Variants in PCDHGA4 observed in about 807,000 individuals in gnomAD.
The protein encoded by PCDHGA4 is protocadherin gamma subfamily A, 4.
In PCDHGA4, 38 loss-of-function variants were observed where a neutral mutation model predicts 54.6. The ratio of observed to expected loss-of-function variants is 0.70; its 90% CI spans 0.54 to 0.91. The LOEUF (loss-of-function observed/expected upper bound fraction) is 0.91, where lower values mean the gene tolerates loss of function less well. Among genes scored for constraint, PCDHGA4 ranks in the 40% least tolerant of loss-of-function variants. PCDHGA4 has a pLI of 0.00. For missense variants in PCDHGA4, 1,298 were observed against 1,220.9 expected, an observed-to-expected ratio of 1.06 and a Z score of -0.94; for synonymous variants, 511 against 512.9, an observed-to-expected ratio of 1.00 and a Z score of 0.05.
At chr5:141,357,941 A>C (rs558616787) in intron 1 of PCDHGA4, among the ~76,000 whole-genome samples, 1 of 152,214 alleles carries the variant, frequency 6.6e-6, no homozygotes, top group East Asian at 1.9e-4. Flanking sequence ...TGTAATCCTA[A>C]CACTTTGGGA....
At chr5:141,376,187 T>C in intron 1 of PCDHGA4, 3 of 1,614,148 alleles carry the variant, frequency 1.9e-6, no homozygotes, top group Non-Finnish European at 2.5e-6. Flanking sequence ...CGCGGTCTCC[T>C]GCGTCTTCCT....
Position 141,489,712 on chromosome 5 carries a change from C to T in PCDHGA4, c.2515-5095C>T. On this transcript the variant is annotated intron_variant, in intron 1 of 3. Coordinates refer to ENST00000571252, the MANE Select transcript of PCDHGA4 (RefSeq NM_018917.4). The surrounding 1 kb of genome is among the most constrained non-coding windows in gnomAD (Gnocchi z 4.5). The stretch of plus-strand genomic sequence containing the variant: ...GGCACGATTCCCACTGGACAGTGCC[C>T]AGGATCCGGATGTGGGCACCAATAC... The T allele has an allele frequency of 6.2e-7, 1 of 1,614,162 alleles. No individual in the cohort carries two copies. The highest frequency in any genetic ancestry group is 1.1e-5 in the South Asian group (1 of 91,078).
At chr5:141,422,762 C>T in intron 1 of PCDHGA4, 1 of 1,613,392 alleles carries the variant, frequency 6.2e-7, no homozygotes. Flanking sequence ...AACTCCAACA[C>T]TGGTGTTCTC....
chr5:141,495,000 G>A lies in PCDHGA4; in HGVS notation c.2573+135G>A, dbSNP rs191756104. ...AGTTTGAGATCCCAGGGAGGTCTTG[G>A]TGTGCGGGGGGCTGGCACACAGACC... On this transcript the variant is annotated intron_variant, in intron 2 of 3. Transcript: ENST00000571252. 1.3e-4 allele frequency: 202 copies of A among 1,531,656 alleles called. 2 individuals carry two copies. The African/African-American group carries it at 2.4e-3, about 19-fold the overall frequency. The allele number at this position is 1,531,656 out of a possible 1,614,324, so 94.9% of individuals were successfully genotyped here. A position where few individuals can be genotyped will look rare whatever the true frequency, so the allele number is the denominator to read the frequency against.
chr5:141,415,654 A>ATTGGT, intron 1 of PCDHGA4: 1 of 1,573,242 alleles, frequency 6.4e-7, no homozygotes, highest in Non-Finnish European at 8.6e-7. Flanking sequence ...AAAAAAAAAG[A>ATTGGT]TTGGTTTTTA....
chr5:141,457,441 G>A (rs941085406), intron 1 of PCDHGA4, among the ~76,000 whole-genome samples: 1 of 152,134 alleles, frequency 6.6e-6, no homozygotes, highest in African/African-American at 2.4e-5. Flanking sequence ...CCAAGCTGCA[G>A]AAGATCACCA....
intron 1 of PCDHGA4, among the ~76,000 whole-genome samples, chr5:141,437,614 A>G (rs113599071): frequency 3.1e-4 from 47 of 152,242 alleles, no homozygotes; most frequent in Non-Finnish European, 5.1e-4. Flanking sequence ...AATCTGCTTT[A>G]TCCCCATATA....
chr5:141,374,955 T>C (rs1213878932), intron 1 of PCDHGA4: 2 of 1,613,888 alleles, frequency 1.2e-6, no homozygotes. Flanking sequence ...ATCTCACAAA[T>C]TTTCTGTTTG....
intron 1 of PCDHGA4, chr5:141,389,992 T>A: frequency 6.2e-7 from 1 of 1,614,010 alleles, no homozygotes. Context: ...CTCTTCCTCG[T>A]GGCCATGATT....
chr5:141,501,182 C>A (rs531641143), intron 2 of PCDHGA4, among the ~76,000 whole-genome samples: 1 of 152,126 alleles, frequency 6.6e-6, no homozygotes, highest in Non-Finnish European at 1.5e-5. Context: ...TACATTTTAA[C>A]ACAATTAAAT....
intron 1 of PCDHGA4, chr5:141,385,213 C>T (rs1481010729): frequency 1.7e-5 from 28 of 1,614,108 alleles, no homozygotes; most frequent in Non-Finnish European, 2.2e-5. Flanking sequence ...GATCTTCCCC[C>T]AGCCCAACTA....
chr5:141,501,390 T>TCAC (rs1033806087), intron 2 of PCDHGA4, among the ~76,000 whole-genome samples: 4 of 151,794 alleles, frequency 2.6e-5, no homozygotes, highest in African/African-American at 9.7e-5. Flanking sequence ...CTAGGTCCTG[T>TCAC]CACAGGCCAC....
intron 1 of PCDHGA4, chr5:141,372,011 G>C (rs759270061): frequency 6.2e-7 from 1 of 1,613,176 alleles, no homozygotes; most frequent in Non-Finnish European, 8.5e-7. Context: ...ACCAGGGCTC[G>C]CCTACGCTCA....
At position 141,444,152 on chromosome 5, in the gene PCDHGA4, A is replaced by ATT. The variant is rs747671382; in HGVS notation, c.2515-50620_2515-50619dup. ...GATATGTGTCACTTGTGTGTACTGG[A>ATT]TTTTTTTTTTTTTTTTTTTTTTTTT... On this transcript the variant is annotated intron_variant, in intron 1 of 3. Coordinates refer to ENST00000571252, the MANE Select transcript of PCDHGA4 (RefSeq NM_018917.4). Among the ~76,000 whole-genome samples, 286 of 33,894 alleles carry ATT rather than the reference A, an allele frequency of 8.4e-3. 107 individuals carry two copies. The highest frequency in any genetic ancestry group is 0.011 in the African/African-American group (76 of 7,180). The allele number at this position is 33,894 out of a possible 152,430, so 22.2% of individuals were successfully genotyped here. A position where few individuals can be genotyped will look rare whatever the true frequency, so the allele number is the denominator to read the frequency against.
At chr5:141,369,703 A>G (rs757750981) in intron 1 of PCDHGA4, among the ~76,000 whole-genome samples, 12 of 152,254 alleles carry the variant, frequency 7.9e-5, no homozygotes, top group Admixed American at 1.3e-4. Flanking sequence ...AAAAGCTATG[A>G]CATTATAACT....
chr5:141,381,971 A>C (rs1777809819), intron 1 of PCDHGA4, among the ~76,000 whole-genome samples: 1 of 150,888 alleles, frequency 6.6e-6, no homozygotes, highest in African/African-American at 2.4e-5. Flanking sequence ...CTGGGATTAC[A>C]GGCGCGCGCC....
At chr5:141,459,427 G>A (rs1489214494) in intron 1 of PCDHGA4, among the ~76,000 whole-genome samples, 2 of 152,228 alleles carry the variant, frequency 1.3e-5, no homozygotes, top group Non-Finnish European at 2.9e-5. Flanking sequence ...ATATCACAAT[G>A]TGTTCATTCA....
intron 1 of PCDHGA4, among the ~76,000 whole-genome samples, chr5:141,484,740 G>GA (rs1047805396): frequency 2.0e-5 from 3 of 150,646 alleles, no homozygotes; most frequent in Admixed American, 1.3e-4. Context: ...GGTGTGTTAG[G>GA]AAAAAAAATG....
rs754728562 is a variant in PCDHGA4, at chr5:141,489,487, G to A, written c.2515-5320G>A. 6.2e-7 allele frequency: 1 copy of A among 1,613,942 alleles called. No individual in the cohort carries two copies. On this transcript the variant is annotated intron_variant, in intron 1 of 3. Coordinates refer to ENST00000571252, the MANE Select transcript of PCDHGA4 (RefSeq NM_018917.4). This position sits in a 1 kb window ranked among gnomAD's most constrained non-coding sequence, Gnocchi z 4.5. The stretch of plus-strand genomic sequence containing the variant: ...TTTTTCCCTGAGCTTGATGAGTGGT[G>A]CCCTGGCAGTGAATCAAAAGATTGA...
Sources: allele counts gnomAD v4.1 joint callset (sites outside exome capture counted in the v4.1 genomes callset), GRCh38; gene constraint gnomAD v4.1.1; non-coding constraint Gnocchi (gnomAD v3.1); transcripts MANE v1.5; gene names NCBI Gene and HGNC (gene_info 2026-07-23, HGNC 2026-07-21).